The following PTPN13 variants were observed in gnomAD, a reference collection of about 807,000 sequenced individuals.
PTPN13 encodes tyrosine-protein phosphatase non-receptor type 13.
A neutral mutation model predicts 284.0 loss-of-function variants in PTPN13; 191 were observed. That is an observed-to-expected ratio of 0.67 (90% CI 0.60 to 0.76). PTPN13 has a LOEUF of 0.76. Ranked by LOEUF, PTPN13 falls within the 30% of genes least tolerant of loss-of-function variation. The pLI, the probability that PTPN13 is intolerant of heterozygous loss-of-function variation, is 0.00. For synonymous variants in PTPN13, 986 were observed against 1,022.3 expected (o/e 0.96, Z 0.68); for missense variants, 2,797 against 2,939.9 (o/e 0.95, Z 1.12).
chr4:86,594,724 C>G lies in PTPN13; in HGVS notation c.-71C>G, dbSNP rs945259439. On this transcript the variant is annotated 5_prime_UTR_variant, in exon 1 of 48. Transcript: ENST00000411767. ...CGCGGCGGCTGCCGGCGGCCCGCCC[C>G]GACGCCGCGTCCCTGCAGCCCTCGC... 2.0e-5 allele frequency: 3 copies of G among 152,450 alleles called. No homozygotes were observed. In the South Asian group the frequency reaches 6.2e-4, roughly 32 times the overall value. 9.4% of individuals were successfully genotyped at this position (152,450 alleles called of 1,614,324 possible). A position where few individuals can be genotyped will look rare whatever the true frequency, so the allele number is the denominator to read the frequency against.
chr4:86,728,643 C>CTTTT lies in PTPN13; in HGVS notation c.1609-3726_1609-3723dup, dbSNP rs57773658. On this transcript the variant is annotated intron_variant, in intron 10 of 47. Coordinates refer to ENST00000411767, the MANE Select transcript of PTPN13 (RefSeq NM_080683.3). ...CAGAGACTAGGATTGCAACCCCTGC[C>CTTTT]TTTTTTTTTTTTTTTTTTTTTTTTT... 1.0e-3 allele frequency among the ~76,000 whole-genome samples: 25 copies of CTTTT among 24,492 alleles called. 1 individual carries two copies. Among genetic ancestry groups the CTTTT allele is most frequent in the East Asian group, 1.4e-3 (1 of 700 alleles). 16.1% of individuals were successfully genotyped at this position (24,492 alleles called of 152,430 possible).
At chr4:86,725,012 C>T (rs561026487) in intron 10 of PTPN13, among the ~76,000 whole-genome samples, 46 of 150,580 alleles carry the variant, frequency 3.1e-4, no homozygotes, top group Non-Finnish European at 5.2e-4. Flanking sequence ...GTTTCCCGCC[C>T]CGTGTCCATG....
chr4:86,746,025 T>C (rs1476268372), intron 17 of PTPN13, among the ~76,000 whole-genome samples: 1 of 152,130 alleles, frequency 6.6e-6, no homozygotes, highest in Non-Finnish European at 1.5e-5. Context: ...AGAGACACAC[T>C]GTATAGTCTT....
intron 7 of PTPN13, among the ~76,000 whole-genome samples, chr4:86,704,652 A>T (rs1280143583): frequency 6.6e-6 from 1 of 152,188 alleles, no homozygotes; most frequent in Non-Finnish European, 1.5e-5. Flanking sequence ...CGTATTTGTT[A>T]TAGGATGCAC....
In PTPN13 at chr4:86,758,732, T is replaced by C. The variant is rs372903106; in HGVS notation, c.3368T>C (p.Ile1123Thr). The C allele has an allele frequency of 1.2e-6, 2 of 1,613,728 alleles. No homozygotes were observed. Among genetic ancestry groups the C allele is most frequent in the Non-Finnish European group, 8.5e-7 (1 of 1,179,794 alleles). ...KMGRLDLGIF[I>T]SSVAPGGPAD... The stretch of plus-strand genomic sequence containing the variant: ...GGAAGACTGGACCTAGGCATATTTA[T>C]CAGTTCAGTTGCCCCTGGAGGACCA... Residue 1123 changes from isoleucine (I) to threonine (T), a missense_variant, in exon 22 of 48, where the codon ATC becomes ACC. Transcript: ENST00000411767.
intron 9 of PTPN13, 73 bp downstream of exon 9, chr4:86,717,190 T>A: frequency 2.6e-6 from 1 of 386,664 alleles, no homozygotes; most frequent in Non-Finnish European, 3.4e-6. Flanking sequence ...TTAAATGGAA[T>A]TTTTTTTTTT....
intron 2 of PTPN13, among the ~76,000 whole-genome samples, chr4:86,641,338 C>T (rs1213075399): frequency 2.0e-5 from 3 of 151,926 alleles, no homozygotes; most frequent in Non-Finnish European, 4.4e-5. Flanking sequence ...GGCTTTTCCC[C>T]CTTATCATCT....
intron 42 of PTPN13, among the ~76,000 whole-genome samples, chr4:86,802,145 T>TTGTGTGTGTG (rs565544263): frequency 1.4e-5 from 2 of 143,866 alleles, no homozygotes; most frequent in Non-Finnish European, 3.0e-5. Context: ...ATCAAGATTT[T>TTGTGTGTGTG]AGTGTGTGTG....
intron 7 of PTPN13, among the ~76,000 whole-genome samples, chr4:86,707,153 A>C (rs1022742560): frequency 6.6e-6 from 1 of 152,194 alleles, no homozygotes; most frequent in Admixed American, 6.5e-5. Flanking sequence ...CAGTACTCCC[A>C]CACCCTGGGT....
chr4:86,778,931 GA>G (rs71657585), intron 35 of PTPN13, among the ~76,000 whole-genome samples: 12,788 of 145,144 alleles, frequency 0.088, 676 homozygotes, highest in Non-Finnish European at 0.12. Flanking sequence ...AAATGAGTTG[GA>G]AAAAAAAAAG....
At chr4:86,711,549 CTG>C (rs1267864953) in intron 7 of PTPN13, among the ~76,000 whole-genome samples, 2 of 152,060 alleles carry the variant, frequency 1.3e-5, no homozygotes, top group Non-Finnish European at 2.9e-5. Flanking sequence ...ATTTCTAACA[CTG>C]TGATTTTTTG....
At chr4:86,651,213 C>T (rs2148806886) in intron 2 of PTPN13, among the ~76,000 whole-genome samples, 1 of 152,204 alleles carries the variant, frequency 6.6e-6, no homozygotes, top group East Asian at 1.9e-4. Context: ...TGATATCTAC[C>T]ATTGATTGAT....
At chr4:86,811,017 T>C in intron 46 of PTPN13, 29 bp from the exon 47 acceptor site, 1 of 1,598,028 alleles carries the variant, frequency 6.3e-7, no homozygotes, top group African/African-American at 1.3e-5. Context: ...ATCCTTTGAA[T>C]CTAACACATA....
At chr4:86,756,435 T>C (rs982013306) in intron 20 of PTPN13, among the ~76,000 whole-genome samples, 3 of 152,106 alleles carry the variant, frequency 2.0e-5, no homozygotes, top group Non-Finnish European at 4.4e-5. Context: ...TCACCTAATA[T>C]GTAAAGTACT....
intron 2 of PTPN13, among the ~76,000 whole-genome samples, chr4:86,642,449 C>CTTTTTTTT (rs1241682151): frequency 1.5e-4 from 4 of 27,456 alleles, no homozygotes; most frequent in African/African-American, 5.1e-4. Flanking sequence ...TCTTCTTCTT[C>CTTTTTTTT]TTTTTTTTTT....
Position 86,722,208 on chromosome 4 carries a change from A to G in PTPN13, c.1386-4A>G, listed in dbSNP as rs377033522. On this transcript the variant is annotated splice_region_variant and splice_polypyrimidine_tract_variant and intron_variant, in intron 9 of 47. Transcript: ENST00000411767. Reference sequence around the variant, plus strand: ...TCCTCACCTGTCTCCTCTTTTCTATATAGCAGACAATATGAAACACCCTTT... The same window carrying G: ...TCCTCACCTGTCTCCTCTTTTCTATGTAGCAGACAATATGAAACACCCTTT... 23 of 1,604,948 alleles carry G rather than the reference A, an allele frequency of 1.4e-5. No individual in the cohort carries two copies. Among genetic ancestry groups the G allele is most frequent in the Non-Finnish European group, 1.9e-5 (22 of 1,171,992 alleles).
chr4:86,624,423 G>A (rs1721604634), intron 1 of PTPN13, among the ~76,000 whole-genome samples: 1 of 152,168 alleles, frequency 6.6e-6, no homozygotes, highest in Admixed American at 6.6e-5. Context: ...TAGTACCTGA[G>A]CTCTGCAGCT....
At chr4:86,750,126 T>C (rs1300808995) in intron 17 of PTPN13, among the ~76,000 whole-genome samples, 3 of 152,142 alleles carry the variant, frequency 2.0e-5, no homozygotes, top group Non-Finnish European at 4.4e-5. Flanking sequence ...GTTTGAAAAT[T>C]TCTGTGTTAA....
intron 15 of PTPN13, among the ~76,000 whole-genome samples, chr4:86,740,847 A>G (rs1736096686): frequency 6.6e-6 from 1 of 152,006 alleles, no homozygotes; most frequent in Admixed American, 6.6e-5. Flanking sequence ...ACCCTAAATC[A>G]TCTCTCTCAA....
Sources: allele counts gnomAD v4.1 joint callset (sites outside exome capture counted in the v4.1 genomes callset), GRCh38; gene constraint gnomAD v4.1.1; transcripts MANE v1.5; gene names NCBI Gene and HGNC (gene_info 2026-07-23, HGNC 2026-07-21).